Variants in CDH4 observed in about 807,000 individuals in gnomAD.
CDH4 encodes cadherin-4.
A neutral mutation model predicts 86.0 loss-of-function variants in CDH4; 33 were observed. The ratio of observed to expected loss-of-function variants is 0.38; its 90% CI spans 0.29 to 0.51. CDH4 has a LOEUF of 0.51. Among genes scored for constraint, CDH4 ranks in the 20% least tolerant of loss-of-function variants. CDH4 has a pLI of 0.86. For missense variants in CDH4, 1,114 were observed against 1,307.4 expected, an observed-to-expected ratio of 0.85 and a Z score of 2.28; for synonymous variants, 555 against 549.4, an observed-to-expected ratio of 1.01 and a Z score of -0.14.
chr20:61,538,435 C>G (rs2086014268), intron 2 of CDH4, among the ~76,000 whole-genome samples: 1 of 152,162 alleles, frequency 6.6e-6, no homozygotes, highest in South Asian at 2.1e-4. Context: ...AACTAATATC[C>G]ATGCCCCAAC....
At chr20:61,899,120 C>G (rs2122884376) in intron 8 of CDH4, among the ~76,000 whole-genome samples, 1 of 151,958 alleles carries the variant, frequency 6.6e-6, no homozygotes, top group South Asian at 2.1e-4. Flanking sequence ...GATGTGAAAC[C>G]CCATCTCTAC....
intron 4 of CDH4, among the ~76,000 whole-genome samples, chr20:61,822,004 G>T (rs149241418): frequency 6.6e-6 from 1 of 152,270 alleles, no homozygotes; most frequent in Non-Finnish European, 1.5e-5. Flanking sequence ...CCCAGCGAGT[G>T]ATGGGTCTGA....
chr20:61,652,944 T>TTTTTA (rs1568735059), intron 2 of CDH4, among the ~76,000 whole-genome samples: 2 of 112,442 alleles, frequency 1.8e-5, no homozygotes, highest in African/African-American at 6.0e-5. Flanking sequence ...ATTTATTTTT[T>TTTTTA]TTTTTTTTTT....
intron 5 of CDH4, among the ~76,000 whole-genome samples, chr20:61,850,430 G>C (rs1219753183): frequency 6.6e-6 from 1 of 152,166 alleles, no homozygotes; most frequent in African/African-American, 2.4e-5. Context: ...ACTGTTCCCA[G>C]TTCCATACGC....
chr20:61,810,400 C>T lies in CDH4; in HGVS notation c.577-34268C>T, dbSNP rs935148879. Among the ~76,000 whole-genome samples, 1 of 152,236 alleles carries T rather than the reference C, an allele frequency of 6.6e-6. No homozygotes were observed. Among genetic ancestry groups the T allele is most frequent in the Non-Finnish European group, 1.5e-5 (1 of 68,048 alleles). ...AGGACTCTTCCCAGCAAAAACTGCC[C>T]TCGGCCAAGTTTCTGACCTGGGTTC... On this transcript the variant is annotated intron_variant, in intron 4 of 15. Coordinates refer to ENST00000614565, the MANE Select transcript of CDH4 (RefSeq NM_001794.5). This position sits in a 1 kb window ranked among gnomAD's most constrained non-coding sequence, Gnocchi z 4.3.
intron 3 of CDH4, among the ~76,000 whole-genome samples, chr20:61,762,813 C>T (rs972001549): frequency 3.1e-4 from 47 of 152,354 alleles, no homozygotes; most frequent in African/African-American, 1.1e-3. Flanking sequence ...CCCAAAGAGC[C>T]ACTTTCTTGG....
chr20:61,832,820 T>C (rs1486917930), intron 4 of CDH4, among the ~76,000 whole-genome samples: 1 of 152,166 alleles, frequency 6.6e-6, no homozygotes, highest in African/African-American at 2.4e-5. Flanking sequence ...CACTGCAAAC[T>C]AGTTAGGGAA....
chr20:61,678,800 A>G (rs1232512815), intron 2 of CDH4, among the ~76,000 whole-genome samples: 1 of 152,110 alleles, frequency 6.6e-6, no homozygotes, highest in Non-Finnish European at 1.5e-5. Flanking sequence ...TCCCATAGCC[A>G]TCTTCTCCCT....
chr20:61,909,665 CTCT>C (rs1010584161), intron 8 of CDH4, among the ~76,000 whole-genome samples: 2 of 152,224 alleles, frequency 1.3e-5, no homozygotes, highest in Non-Finnish European at 2.9e-5. Context: ...TCTGCGTCTT[CTCT>C]TCTTTGTGAA....
At chr20:61,824,186 C>G (rs929448811) in intron 4 of CDH4, among the ~76,000 whole-genome samples, 2 of 152,150 alleles carry the variant, frequency 1.3e-5, no homozygotes, top group African/African-American at 4.8e-5. Context: ...CCCTCCTACA[C>G]TGTCCTCAGA....
chr20:61,844,556 C>T (rs967754951), intron 4 of CDH4, 112 bp from the exon 5 acceptor site: 50 of 1,016,102 alleles, frequency 4.9e-5, no homozygotes, highest in Non-Finnish European at 7.1e-5. Context: ...CCCATTGTAC[C>T]TGAAAATGGT....
intron 3 of CDH4, among the ~76,000 whole-genome samples, chr20:61,761,930 A>C (rs568632116): frequency 6.6e-6 from 1 of 152,142 alleles, no homozygotes; most frequent in South Asian, 2.1e-4. Flanking sequence ...TCCGCACAGC[A>C]GGCAGCGCCG....
intron 2 of CDH4, among the ~76,000 whole-genome samples, chr20:61,315,604 G>A (rs1337900713): frequency 2.0e-5 from 3 of 152,200 alleles, no homozygotes; most frequent in Non-Finnish European, 4.4e-5. Flanking sequence ...GGAGTGTGCT[G>A]GACCTGTTCG....
At position 61,269,521 on chromosome 20, in the gene CDH4, G is replaced by A. The variant is rs4812289; in HGVS notation, c.169+14584G>A. 0.85 allele frequency among the ~76,000 whole-genome samples: 129,289 copies of A among 152,180 alleles called. 54,977 individuals carry two copies. Among genetic ancestry groups the A allele is most frequent in the Admixed American group, 0.86 (13,125 of 15,302 alleles). On this transcript the variant is annotated intron_variant, in intron 2 of 15. Transcript: ENST00000614565. The surrounding 1 kb of genome is among the most constrained non-coding windows in gnomAD (Gnocchi z 5.3). ...CCTGGAAGACCCAGCAGGGTGATCC[G>A]TGTCCCTGTGTATGGAGGCACCAGG...
chr20:61,704,595 C>T lies in CDH4; in HGVS notation c.170-38968C>T, dbSNP rs1380362302. ...CAGCGTGCAGTAGGAGTTGGGGTGTCGTCTCAGTGGGTAGAGTCACTCTCA... is the reference window on the plus strand; with the variant it reads ...CAGCGTGCAGTAGGAGTTGGGGTGTTGTCTCAGTGGGTAGAGTCACTCTCA... On this transcript the variant is annotated intron_variant, in intron 2 of 15. Coordinates refer to ENST00000614565, the MANE Select transcript of CDH4 (RefSeq NM_001794.5). Among the ~76,000 whole-genome samples, 11 of 152,282 alleles carry T rather than the reference C, an allele frequency of 7.2e-5. No individual in the cohort carries two copies. In the East Asian group the frequency reaches 1.2e-3, roughly 16 times the overall value.
chr20:61,847,459 C>G (rs1982509496), intron 5 of CDH4, among the ~76,000 whole-genome samples: 1 of 152,214 alleles, frequency 6.6e-6, no homozygotes, highest in Admixed American at 6.5e-5. Flanking sequence ...AATTTTCAAC[C>G]CACCATGTGC....
At chr20:61,772,753 G>A (rs1271951704) in intron 3 of CDH4, among the ~76,000 whole-genome samples, 1 of 151,980 alleles carries the variant, frequency 6.6e-6, no homozygotes, top group African/African-American at 2.4e-5. Context: ...TTTGTTTATG[G>A]TTTCTTTTTC....
At chr20:61,626,205 G>A (rs139237443) in intron 2 of CDH4, among the ~76,000 whole-genome samples, 40 of 152,278 alleles carry the variant, frequency 2.6e-4, no homozygotes, top group African/African-American at 8.7e-4. Flanking sequence ...TTGAACTGTC[G>A]ACTGGGTCAG....
chr20:61,637,245 G>C (rs368617761), intron 2 of CDH4, among the ~76,000 whole-genome samples: 1 of 152,238 alleles, frequency 6.6e-6, no homozygotes, highest in Admixed American at 6.5e-5. Context: ...GGGGATGCGC[G>C]TGTGTGTCTG....
Sources: gnomAD v4.1 joint callset for allele counts (sites outside exome capture counted in the v4.1 genomes callset) on GRCh38, gnomAD v4.1.1 for gene constraint, Gnocchi (gnomAD v3.1) non-coding constraint, MANE v1.5 for transcripts, NCBI Gene and HGNC (gene_info 2026-07-23, HGNC 2026-07-21) for gene names.